Variants in HSDL2 observed in about 807,000 individuals in gnomAD.
HSDL2 encodes the protein hydroxysteroid dehydrogenase-like protein 2.
A neutral mutation model predicts 46.3 loss-of-function variants in HSDL2; 27 were observed. The observed-to-expected ratio is 0.58, with a 90% CI of 0.43 to 0.80. HSDL2 has a LOEUF of 0.80. Ranked by LOEUF, HSDL2 falls within the 30% of genes least tolerant of loss-of-function variation. The pLI, the probability that HSDL2 is intolerant of heterozygous loss-of-function variation, is 0.00. For missense variants in HSDL2, 451 were observed against 502.7 expected (o/e 0.90, Z 0.98); for synonymous variants, 153 against 163.6 (o/e 0.94, Z 0.50).
chr9:112,462,199 C>T (rs1333223211), intron 10 of HSDL2, among the ~76,000 whole-genome samples: 3 of 152,124 alleles, frequency 2.0e-5, no homozygotes, highest in East Asian at 1.9e-4. Flanking sequence ...CGTGGTGGTT[C>T]ATTTCTGTAA....
intron 8 of HSDL2, among the ~76,000 whole-genome samples, chr9:112,443,754 T>A (rs1832692469): frequency 6.6e-6 from 1 of 152,150 alleles, no homozygotes; most frequent in South Asian, 2.1e-4. Flanking sequence ...ATTAGCACAT[T>A]CTTTCCCCTG....
intron 1 of HSDL2, among the ~76,000 whole-genome samples, chr9:112,398,859 G>A (rs904797007): frequency 1.2e-4 from 18 of 152,078 alleles, no homozygotes; most frequent in African/African-American, 4.3e-4. Flanking sequence ...ATTTTCCATA[G>A]GTACCTGAAC....
chr9:112,468,790 C>T (rs1833474153), intron 10 of HSDL2, among the ~76,000 whole-genome samples: 1 of 152,176 alleles, frequency 6.6e-6, no homozygotes, highest in African/African-American at 2.4e-5. Context: ...CATTCTGTTT[C>T]CTCCAAGTTG....
At chr9:112,454,602 T>C (rs1310129169) in intron 9 of HSDL2, among the ~76,000 whole-genome samples, 1 of 152,244 alleles carries the variant, frequency 6.6e-6, no homozygotes, top group African/African-American at 2.4e-5. Flanking sequence ...GGTAGTATGA[T>C]ACAGTAATTT....
chr9:112,465,016 T>A (rs145681524), intron 10 of HSDL2, among the ~76,000 whole-genome samples: 216 of 152,370 alleles, frequency 1.4e-3, no homozygotes, highest in Middle Eastern at 6.8e-3. Context: ...CTTTTGTGAC[T>A]GGCTTCTTTC....
intron 10 of HSDL2, among the ~76,000 whole-genome samples, chr9:112,464,721 C>G (rs1248379843): frequency 6.6e-6 from 1 of 152,200 alleles, no homozygotes; most frequent in Non-Finnish European, 1.5e-5. Flanking sequence ...ATATACCATA[C>G]AGTTCACCCA....
rs148575963 is a variant in HSDL2, at chr9:112,464,084, C to G, written c.1144+4507C>G. 6.3e-3 allele frequency among the ~76,000 whole-genome samples: 951 copies of G among 152,060 alleles called. 12 individuals carry two copies. The highest frequency in any genetic ancestry group is 0.022 in the African/African-American group (910 of 41,480). On this transcript the variant is annotated intron_variant, in intron 10 of 10. Coordinates refer to ENST00000398805, the MANE Select transcript of HSDL2 (RefSeq NM_032303.5). ...TTTGCTCATTTTAAAATTGAGTTGTCAGCCAGGCATGGTGGCTCATGCCTA... is the reference window on the plus strand; with the variant it reads ...TTTGCTCATTTTAAAATTGAGTTGTGAGCCAGGCATGGTGGCTCATGCCTA...
At chr9:112,393,772 C>T (rs1204537987) in intron 1 of HSDL2, among the ~76,000 whole-genome samples, 1 of 152,224 alleles carries the variant, frequency 6.6e-6, no homozygotes, top group Non-Finnish European at 1.5e-5. Context: ...ACCAACATTA[C>T]ACTTTTCCTG....
chr9:112,456,108 T>C (rs3849130), intron 9 of HSDL2, among the ~76,000 whole-genome samples: 145,555 of 152,300 alleles, frequency 0.96, 69,620 homozygotes, highest in African/African-American at 0.98. Context: ...AATTTTGTGC[T>C]GTTAATTGAA....
chr9:112,422,878 A>G (rs566472493), intron 6 of HSDL2, among the ~76,000 whole-genome samples: 1 of 152,234 alleles, frequency 6.6e-6, no homozygotes, highest in Non-Finnish European at 1.5e-5. Context: ...ACAAAGGAAA[A>G]TGATTGCAGA....
intron 1 of HSDL2, among the ~76,000 whole-genome samples, chr9:112,395,674 G>C (rs1831438581): frequency 6.6e-6 from 1 of 152,220 alleles, no homozygotes; most frequent in Admixed American, 6.5e-5. Context: ...CCAATTCTTA[G>C]GTATTAAAGG....
intron 6 of HSDL2, among the ~76,000 whole-genome samples, chr9:112,430,524 A>T (rs146171085): frequency 6.6e-6 from 1 of 152,192 alleles, no homozygotes; most frequent in African/African-American, 2.4e-5. Flanking sequence ...TAAATGTTTA[A>T]AAAACCTCTC....
chr9:112,436,704 A>C (rs1382065550), intron 6 of HSDL2, among the ~76,000 whole-genome samples: 1 of 152,128 alleles, frequency 6.6e-6, no homozygotes, highest in East Asian at 1.9e-4. Context: ...AAATAAATAA[A>C]TAAATAGACT....
chr9:112,427,032 T>A (rs1291767899), intron 6 of HSDL2, among the ~76,000 whole-genome samples: 3 of 152,018 alleles, frequency 2.0e-5, no homozygotes, highest in African/African-American at 7.2e-5. Flanking sequence ...AGATTATTAT[T>A]ATATTATTAA....
intron 4 of HSDL2, among the ~76,000 whole-genome samples, chr9:112,413,207 G>GT (rs1318381301): frequency 6.6e-6 from 1 of 152,022 alleles, no homozygotes; most frequent in East Asian, 1.9e-4. Context: ...GGCCAGGTGT[G>GT]GTGGCTCACG....
At chr9:112,426,895 C>T (rs1832259237) in intron 6 of HSDL2, among the ~76,000 whole-genome samples, 1 of 152,116 alleles carries the variant, frequency 6.6e-6, no homozygotes, top group Admixed American at 6.6e-5. Context: ...TATGTACAAA[C>T]ATGTATACAA....
At chr9:112,403,034 A>C (rs1464565340) in intron 1 of HSDL2, among the ~76,000 whole-genome samples, 1 of 152,160 alleles carries the variant, frequency 6.6e-6, no homozygotes, top group Admixed American at 6.6e-5. Context: ...TTGAATCAGA[A>C]TATTTCAGAT....
At chr9:112,420,092 A>G (rs757360875) in intron 6 of HSDL2, among the ~76,000 whole-genome samples, 3 of 152,326 alleles carry the variant, frequency 2.0e-5, no homozygotes, top group Middle Eastern at 6.8e-3. Context: ...TGCCATCCCA[A>G]CACTTTGGGA....
chr9:112,429,301 T>G (rs368309586), intron 6 of HSDL2, among the ~76,000 whole-genome samples: 4 of 152,244 alleles, frequency 2.6e-5, no homozygotes, highest in Non-Finnish European at 4.4e-5. Flanking sequence ...AGATAATTTA[T>G]TAACTATCTA....
Sources: allele counts gnomAD v4.1 joint callset (sites outside exome capture counted in the v4.1 genomes callset), GRCh38; gene constraint gnomAD v4.1.1; transcripts MANE v1.5; gene names NCBI Gene and HGNC (gene_info 2026-07-23, HGNC 2026-07-21).